CSMD3: variants seen among roughly 807,000 people sequenced by gnomAD.
CSMD3 encodes CUB and Sushi multiple domains 3.
A neutral mutation model predicts 435.2 loss-of-function variants in CSMD3; 177 were observed. The observed-to-expected ratio is 0.41, with a 90% confidence interval of 0.36 to 0.46. CSMD3 has a LOEUF of 0.46. Among genes scored for constraint, CSMD3 ranks in the 20% least tolerant of loss-of-function variants. The pLI, the probability that CSMD3 is intolerant of heterozygous loss-of-function variation, is 0.34. For synonymous variants in CSMD3, 1,656 were observed against 1,520.5 expected, an observed-to-expected ratio of 1.09 and a Z score of -2.07; for missense variants, 4,265 against 4,504.6, an observed-to-expected ratio of 0.95 and a Z score of 1.52.
At chr8:112,439,420 T>C (rs989080318) in intron 32 of CSMD3, among the ~76,000 whole-genome samples, 1 of 152,174 alleles carries the variant, frequency 6.6e-6, no homozygotes, top group Admixed American at 6.5e-5. Context: ...ATTATAGGTG[T>C]GAGCCACCGT....
chr8:113,379,537 A>G (rs1416236895), intron 1 of CSMD3, among the ~76,000 whole-genome samples: 2 of 152,220 alleles, frequency 1.3e-5, no homozygotes, highest in Non-Finnish European at 2.9e-5. Context: ...AGGACTGGTC[A>G]GTAATACCTC....
intron 2 of CSMD3, chr8:113,312,228 C>T (rs2093875089): frequency 1.3e-5 from 2 of 152,144 alleles, no homozygotes; most frequent in Admixed American, 1.3e-4. Flanking sequence ...GCAATCAATT[C>T]AAGCCTCATT....
chr8:113,419,125 G>GTT (rs59486645), intron 1 of CSMD3, among the ~76,000 whole-genome samples: 24 of 133,408 alleles, frequency 1.8e-4, no homozygotes, highest in African/African-American at 4.8e-4. Context: ...TTTTTGGTTT[G>GTT]TTTTTTTTTT....
intron 13 of CSMD3, among the ~76,000 whole-genome samples, chr8:112,708,378 G>T (rs1448958467): frequency 6.6e-6 from 1 of 151,914 alleles, no homozygotes; most frequent in Non-Finnish European, 1.5e-5. Flanking sequence ...AAAGATATTA[G>T]CAATTTTAGA....
intron 6 of CSMD3, among the ~76,000 whole-genome samples, chr8:112,989,940 A>G (rs1003785644): frequency 3.3e-5 from 5 of 151,722 alleles, no homozygotes; most frequent in Admixed American, 1.3e-4. Context: ...TTTTCCCCCT[A>G]CTGTTCTTGT....
chr8:112,695,299 T>C (rs985069102), intron 13 of CSMD3, among the ~76,000 whole-genome samples: 1 of 152,236 alleles, frequency 6.6e-6, no homozygotes. Flanking sequence ...ACAAAAACTA[T>C]GCAGTATTGT....
intron 24 of CSMD3, among the ~76,000 whole-genome samples, chr8:112,573,095 T>C (rs77541078): frequency 0.024 from 3,619 of 152,228 alleles, 135 homozygotes; most frequent in African/African-American, 0.08. Context: ...CAACCTGAAG[T>C]CTTTTAGTTA....
At chr8:112,509,704 A>C (rs10101978) in intron 28 of CSMD3, among the ~76,000 whole-genome samples, 46,240 of 151,598 alleles carry the variant, frequency 0.31, 7,142 homozygotes, top group East Asian at 0.47. Context: ...CTTCCTTTAC[A>C]TCTCCTTATA....
At chr8:113,104,458 C>T (rs573821772) in intron 4 of CSMD3, among the ~76,000 whole-genome samples, 56 of 152,128 alleles carry the variant, frequency 3.7e-4, no homozygotes, top group African/African-American at 1.3e-3. Flanking sequence ...ATATATGGAG[C>T]AGTAGTTAAT....
intron 1 of CSMD3, among the ~76,000 whole-genome samples, chr8:113,330,833 G>A (rs1481788711): frequency 1.3e-5 from 2 of 151,714 alleles, no homozygotes; most frequent in Non-Finnish European, 3.0e-5. Context: ...ATAATAGTTG[G>A]AGTCTTTAAT....
intron 3 of CSMD3, among the ~76,000 whole-genome samples, chr8:113,206,584 T>A (rs1408635327): frequency 9.2e-5 from 14 of 152,108 alleles, no homozygotes; most frequent in Non-Finnish European, 1.8e-4. Context: ...AACCCCTCAA[T>A]CCATGTTAAT....
At chr8:112,483,629 G>A (rs188832369) in intron 31 of CSMD3, among the ~76,000 whole-genome samples, 10 of 152,236 alleles carry the variant, frequency 6.6e-5, no homozygotes, top group African/African-American at 2.2e-4. Context: ...GTGGGTTTAG[G>A]AAAATGAATT....
chr8:113,420,706 G>A (rs1443489835), intron 1 of CSMD3, among the ~76,000 whole-genome samples: 1 of 151,906 alleles, frequency 6.6e-6, no homozygotes, highest in African/African-American at 2.4e-5. Context: ...CCAGCATTTC[G>A]GGAGGCGGAG....
chr8:112,387,315 T>G (rs1012027542), intron 36 of CSMD3, among the ~76,000 whole-genome samples: 6 of 152,242 alleles, frequency 3.9e-5, no homozygotes, highest in Non-Finnish European at 7.3e-5. Context: ...CTTTATCTCA[T>G]ATATGATTTA....
chr8:112,795,540 T>C (rs1362306699), intron 13 of CSMD3, among the ~76,000 whole-genome samples: 1 of 152,152 alleles, frequency 6.6e-6, no homozygotes, highest in African/African-American at 2.4e-5. Flanking sequence ...CTAGCTCTCA[T>C]CACTATAATT....
At chr8:113,280,008 T>C (rs1042699255) in intron 2 of CSMD3, among the ~76,000 whole-genome samples, 1 of 151,852 alleles carries the variant, frequency 6.6e-6, no homozygotes. Flanking sequence ...GAATCTCTGG[T>C]GTCAAACCCA....
chr8:112,483,115 T>C (rs991060737), intron 31 of CSMD3, among the ~76,000 whole-genome samples: 41 of 152,056 alleles, frequency 2.7e-4, no homozygotes, highest in African/African-American at 9.2e-4. Flanking sequence ...ATACATGGAG[T>C]ATAAAACTCA....
At chr8:113,297,044 C>T (rs1374831116) in intron 2 of CSMD3, among the ~76,000 whole-genome samples, 1 of 152,002 alleles carries the variant, frequency 6.6e-6, no homozygotes, top group Admixed American at 6.6e-5. Context: ...TTCTTGTATG[C>T]TGTAAGAAAA....
At chr8:112,400,384 G>T (rs1028186783) in intron 35 of CSMD3, among the ~76,000 whole-genome samples, 1 of 152,096 alleles carries the variant, frequency 6.6e-6, no homozygotes, top group Non-Finnish European at 1.5e-5. Flanking sequence ...CACCTTAGGG[G>T]TTAGAATTTT....
Sources: allele counts gnomAD v4.1 joint callset (sites outside exome capture counted in the v4.1 genomes callset), GRCh38; gene constraint gnomAD v4.1.1; transcripts MANE v1.5; gene names NCBI Gene and HGNC (gene_info 2026-07-23, HGNC 2026-07-21).